PTPRT: variants seen among roughly 807,000 people sequenced by gnomAD.
PTPRT encodes receptor-type tyrosine-protein phosphatase T.
PTPRT carries 56 observed loss-of-function variants against 176.8 expected under a neutral mutation model. The ratio of observed to expected loss-of-function variants is 0.32; its 90% confidence interval spans 0.26 to 0.40. The LOEUF (loss-of-function observed/expected upper bound fraction) is 0.40, where lower values mean the gene tolerates loss of function less well. PTPRT is among the 10% of genes least tolerant of loss of function. PTPRT has a pLI of 1.00. For missense variants in PTPRT, 1,540 were observed against 1,908.2 expected (o/e 0.81, Z 3.60); for synonymous variants, 783 against 739.0 (o/e 1.06, Z -0.96).
chr20:42,683,264 C>T (rs1276713838), intron 6 of PTPRT, among the ~76,000 whole-genome samples: 1 of 67,020 alleles, frequency 1.5e-5, no homozygotes, highest in Non-Finnish European at 2.8e-5. Context: ...TTTCCTTTTA[C>T]TTGTTTTTTT....
chr20:43,188,508 C>CTCTA (rs1323549931), intron 1 of PTPRT, among the ~76,000 whole-genome samples: 1 of 152,166 alleles, frequency 6.6e-6, no homozygotes, highest in African/African-American at 2.4e-5. Flanking sequence ...CGTTCTTTTG[C>CTCTA]TCTTTCTTTC....
At chr20:42,334,562 T>C (rs947477659) in intron 11 of PTPRT, among the ~76,000 whole-genome samples, 5 of 152,244 alleles carry the variant, frequency 3.3e-5, no homozygotes, top group African/African-American at 1.2e-4. Context: ...TAACAAGCCA[T>C]TTCAGTGAAG....
chr20:43,133,619 C>T (rs1390233492), intron 1 of PTPRT, among the ~76,000 whole-genome samples: 1 of 151,862 alleles, frequency 6.6e-6, no homozygotes, highest in Non-Finnish European at 1.5e-5. Flanking sequence ...TGGTGGCAGG[C>T]GCCTTGTAGT....
intron 7 of PTPRT, among the ~76,000 whole-genome samples, chr20:42,512,665 A>G (rs1223486945): frequency 1.3e-5 from 2 of 152,188 alleles, no homozygotes; most frequent in East Asian, 3.8e-4. Flanking sequence ...TCTAACAAGT[A>G]GTACGTGTTT....
chr20:42,283,362 G>A (rs775070164), intron 12 of PTPRT, among the ~76,000 whole-genome samples: 2 of 152,138 alleles, frequency 1.3e-5, no homozygotes, highest in Non-Finnish European at 2.9e-5. Flanking sequence ...GCAAGTATGT[G>A]AGTTGCTGAA....
intron 9 of PTPRT, among the ~76,000 whole-genome samples, chr20:42,371,157 G>A (rs2058581614): frequency 6.6e-6 from 1 of 152,212 alleles, no homozygotes; most frequent in Non-Finnish European, 1.5e-5. Context: ...GAGTGGTACA[G>A]AACAGCAGCC....
chr20:42,161,485 T>C lies in PTPRT; in HGVS notation c.2549A>G (p.Tyr850Cys), dbSNP rs1273177042. The change falls in exon 17 of 31, where the codon TAC (tyrosine) becomes TGC (cysteine). Residue 850 changes from tyrosine (Y) to cysteine (C), a missense_variant. Transcript: ENST00000373187. ...CATCTCCACAGGGTCACAGGTGCGG[T>C]AGGGATGAGTCTGGATCGTGAGGGT... Reference protein sequence around the residue: ...QPTLTIQTHPYRTCDPVEMSY... With the variant: ...QPTLTIQTHPCRTCDPVEMSY... 6.2e-7 allele frequency: 1 copy of C among 1,614,000 alleles called. No individual in the cohort carries two copies. The highest frequency in any genetic ancestry group is 1.7e-5 in the Admixed American group (1 of 60,004).
chr20:42,238,695 A>T (rs2056293120), intron 14 of PTPRT, among the ~76,000 whole-genome samples: 1 of 152,208 alleles, frequency 6.6e-6, no homozygotes, highest in South Asian at 2.1e-4. Context: ...TCATTGTGAC[A>T]TCTTGGGCAA....
intron 26 of PTPRT, among the ~76,000 whole-genome samples, chr20:42,099,548 G>GGGGGGC (rs1195114064): frequency 2.1e-5 from 1 of 47,652 alleles, no homozygotes; most frequent in Non-Finnish European, 4.9e-5. Context: ...GGCCTGGGCG[G>GGGGGGC]GGGGGGGGGG....
chr20:42,850,561 C>T (rs1290936091), intron 2 of PTPRT, among the ~76,000 whole-genome samples: 5 of 152,170 alleles, frequency 3.3e-5, no homozygotes, highest in African/African-American at 1.2e-4. Context: ...ACAGGCGAGT[C>T]TTTTGGCATC....
chr20:42,906,093 C>T (rs944488657), intron 1 of PTPRT, among the ~76,000 whole-genome samples: 3 of 152,016 alleles, frequency 2.0e-5, no homozygotes, highest in Admixed American at 6.5e-5. Context: ...AACAAAAACC[C>T]GAGACCACAG....
the PTPRT span, among the ~76,000 whole-genome samples, chr20:42,047,069 C>T: frequency 6.6e-6 from 1 of 152,158 alleles, no homozygotes; most frequent in South Asian, 2.1e-4. Flanking sequence ...CAAACTTCTC[C>T]AATGAGGAAA....
chr20:42,148,700 C>T (rs909688335), intron 17 of PTPRT, among the ~76,000 whole-genome samples: 2 of 152,194 alleles, frequency 1.3e-5, no homozygotes, highest in Non-Finnish European at 2.9e-5. Flanking sequence ...GAAGACCAAC[C>T]ACAGGCAAGG....
At chr20:42,967,359 A>T (rs1307478016) in intron 1 of PTPRT, among the ~76,000 whole-genome samples, 1 of 152,214 alleles carries the variant, frequency 6.6e-6, no homozygotes, top group Non-Finnish European at 1.5e-5. Flanking sequence ...CCCTAAATCC[A>T]GTAACGAGTG....
At chr20:42,189,530 A>C (rs962389641) in intron 16 of PTPRT, among the ~76,000 whole-genome samples, 1 of 152,246 alleles carries the variant, frequency 6.6e-6, no homozygotes, top group Admixed American at 6.5e-5. Flanking sequence ...GGAACACCTC[A>C]GCTACTCCCA....
At position 43,091,190 on chromosome 20, in the gene PTPRT, G is replaced by A. The variant is rs138179286; in HGVS notation, c.88+98456C>T. Among the ~76,000 whole-genome samples the A allele has an allele frequency of 4.7e-3, 718 of 152,030 alleles. 6 individuals are homozygous for A. The highest frequency in any genetic ancestry group is 0.027 in the South Asian group (130 of 4,812). On this transcript the variant is annotated intron_variant, in intron 1 of 30. Coordinates refer to ENST00000373187, the MANE Select transcript of PTPRT (RefSeq NM_007050.6). ...GGAGGTTGCAGTGAGCCAAGATGGC[G>A]CCACTGCACTCCAGCCTGGGCGACG...
At chr20:42,120,088 A>G in intron 19 of PTPRT, 117 bp from the exon 20 acceptor site, 1 of 869,098 alleles carries the variant, frequency 1.2e-6, no homozygotes, top group South Asian at 1.8e-5. Context: ...TGAGAACAGC[A>G]TCAGTTATTC....
At chr20:43,059,517 C>T (rs1217927690) in intron 1 of PTPRT, among the ~76,000 whole-genome samples, 1 of 152,198 alleles carries the variant, frequency 6.6e-6, no homozygotes, top group African/African-American at 2.4e-5. Context: ...TTCTCCATTG[C>T]CCAATAACGT....
At chr20:42,122,418 A>G (rs1359891206) in intron 19 of PTPRT, among the ~76,000 whole-genome samples, 1 of 152,174 alleles carries the variant, frequency 6.6e-6, no homozygotes, top group Non-Finnish European at 1.5e-5. Context: ...TAATGTAATA[A>G]CTGAGCCCTT....
Sources: gnomAD v4.1 joint callset for allele counts (sites outside exome capture counted in the v4.1 genomes callset) on GRCh38, gnomAD v4.1.1 for gene constraint, MANE v1.5 for transcripts, NCBI Gene and HGNC (gene_info 2026-07-23, HGNC 2026-07-21) for gene names.